The following CSMD2 variants were observed in gnomAD, a reference collection of about 807,000 sequenced individuals.
The protein encoded by CSMD2 is CUB and Sushi multiple domains 2, also known as CUB and sushi domain-containing protein 2.
CSMD2 carries 130 observed loss-of-function variants against 398.5 expected under a neutral mutation model. The ratio of observed to expected loss-of-function variants is 0.33; its 90% CI spans 0.28 to 0.38. The LOEUF (loss-of-function observed/expected upper bound fraction) is 0.38. Among genes scored for constraint, CSMD2 ranks in the 10% least tolerant of loss-of-function variants. The pLI is 1.00. For missense variants in CSMD2, 3,829 were observed against 4,764.9 expected (o/e 0.80, Z 5.78); for synonymous variants, 1,828 against 1,908.5 (o/e 0.96, Z 1.10).
At chr1:34,133,561 G>A (rs1263628017) in intron 1 of CSMD2, among the ~76,000 whole-genome samples, 1 of 151,928 alleles carries the variant, frequency 6.6e-6, no homozygotes, top group Non-Finnish European at 1.5e-5. Flanking sequence ...AACTCAGGAG[G>A]TGGAGGTTGC....
chr1:33,591,267 C>T (rs1162032639), intron 44 of CSMD2, among the ~76,000 whole-genome samples: 3 of 152,042 alleles, frequency 2.0e-5, no homozygotes, highest in Non-Finnish European at 2.9e-5. Context: ...GGATTATAGG[C>T]GTGAGCCACC....
intron 3 of CSMD2, among the ~76,000 whole-genome samples, chr1:33,964,743 G>T (rs1489796444): frequency 1.3e-5 from 2 of 152,178 alleles, no homozygotes; most frequent in East Asian, 3.9e-4. Flanking sequence ...CCTGGCCCTA[G>T]ATGGTTGAGG....
intron 1 of CSMD2, among the ~76,000 whole-genome samples, chr1:34,123,890 A>G (rs1031738616): frequency 1.8e-4 from 27 of 152,292 alleles, no homozygotes; most frequent in Admixed American, 1.4e-3. Flanking sequence ...TCATACAACT[A>G]GGAAGTAGTA....
At chr1:33,809,704 G>T (rs1281216030) in intron 10 of CSMD2, among the ~76,000 whole-genome samples, 1 of 150,644 alleles carries the variant, frequency 6.6e-6, no homozygotes, top group Non-Finnish European at 1.5e-5. Context: ...AAATAAAAAA[G>T]AAAAGGTATA....
chr1:34,136,587 C>T (rs2148513226), intron 1 of CSMD2, among the ~76,000 whole-genome samples: 1 of 152,278 alleles, frequency 6.6e-6, no homozygotes, highest in East Asian at 1.9e-4. Flanking sequence ...AGAGAAACTT[C>T]CTTGGGATAG....
rs538453502 is a variant in CSMD2 at position 33,685,522 on chromosome 1, A to T, written c.4052+7408T>A. ...CTTTAAAGTGTTCCAACAGCTCCTT[A>T]TTATACTGAGAAATCCATTCAGAGT... On this transcript the variant is annotated intron_variant, in intron 25 of 70. Transcript: ENST00000373381. 3.9e-5 allele frequency among the ~76,000 whole-genome samples: 6 copies of T among 152,304 alleles called. No homozygotes were observed. The South Asian group carries it at 1.2e-3, about 32-fold the overall frequency.
At chr1:33,753,829 T>A (rs78654538) in intron 13 of CSMD2, among the ~76,000 whole-genome samples, 2,817 of 152,362 alleles carry the variant, frequency 0.018, 103 homozygotes, top group Admixed American at 0.074. Context: ...TAAGATTTAA[T>A]CTCTGCCTTG....
At chr1:33,776,053 G>C (rs927719599) in intron 12 of CSMD2, among the ~76,000 whole-genome samples, 1 of 152,184 alleles carries the variant, frequency 6.6e-6, no homozygotes, top group Non-Finnish European at 1.5e-5. Flanking sequence ...GAGAAGAGAA[G>C]GTGATATCAC....
intron 6 of CSMD2, among the ~76,000 whole-genome samples, chr1:33,826,312 C>T (rs183492053): frequency 0.02 from 3,083 of 152,244 alleles, 113 homozygotes; most frequent in African/African-American, 0.071. Context: ...CATTCCCCCA[C>T]TCCTTGACTT....
intron 3 of CSMD2, among the ~76,000 whole-genome samples, chr1:34,005,851 A>T (rs533153605): frequency 2.0e-5 from 3 of 152,318 alleles, no homozygotes; most frequent in South Asian, 2.1e-4. Flanking sequence ...TCAATCATGC[A>T]CACTGTTATG....
intron 2 of CSMD2, among the ~76,000 whole-genome samples, chr1:34,088,507 G>C (rs565608863): frequency 6.6e-6 from 1 of 152,274 alleles, no homozygotes; most frequent in African/African-American, 2.4e-5. Flanking sequence ...TTAAGAGGGT[G>C]AGAACTCCCC....
intron 2 of CSMD2, among the ~76,000 whole-genome samples, chr1:34,075,465 C>T (rs1415236086): frequency 6.6e-6 from 1 of 152,250 alleles, no homozygotes; most frequent in East Asian, 1.9e-4. Flanking sequence ...AAACAGGTGT[C>T]TGACGCCAGT....
At chr1:34,089,851 C>CT (rs1215481218) in intron 1 of CSMD2, among the ~76,000 whole-genome samples, 1 of 152,190 alleles carries the variant, frequency 6.6e-6, no homozygotes, top group African/African-American at 2.4e-5. Flanking sequence ...GCTCAAGACT[C>CT]TATCGTTAAG....
chr1:33,786,621 A>C (rs935562646), intron 12 of CSMD2, among the ~76,000 whole-genome samples: 2 of 152,202 alleles, frequency 1.3e-5, no homozygotes, highest in African/African-American at 4.8e-5. Flanking sequence ...AGGACCCTTG[A>C]GACCTAGGTT....
At chr1:33,655,878 C>T (rs1173539750) in intron 27 of CSMD2, among the ~76,000 whole-genome samples, 1 of 152,196 alleles carries the variant, frequency 6.6e-6, no homozygotes, top group Non-Finnish European at 1.5e-5. Flanking sequence ...TTAACCTCTC[C>T]ACCCTACCCA....
intron 5 of CSMD2, chr1:33,864,008 C>A: frequency 1.7e-6 from 1 of 590,660 alleles, no homozygotes; most frequent in South Asian, 2.2e-5. Context: ...TGGATGATGT[C>A]ACAGTTTCCC....
intron 2 of CSMD2, among the ~76,000 whole-genome samples, chr1:34,068,101 T>C (rs1865892): frequency 0.32 from 49,263 of 152,120 alleles, 8,897 homozygotes; most frequent in African/African-American, 0.48. Context: ...GAAGTTTGTT[T>C]CCCTGGAATG....
At chr1:33,973,023 C>T (rs907555288) in intron 3 of CSMD2, among the ~76,000 whole-genome samples, 2 of 152,178 alleles carry the variant, frequency 1.3e-5, no homozygotes, top group Non-Finnish European at 1.5e-5. Context: ...TCCAAGGTTG[C>T]CCAGTTGCAA....
intron 15 of CSMD2, among the ~76,000 whole-genome samples, chr1:33,732,724 G>A (rs574960205): frequency 1.3e-5 from 2 of 152,288 alleles, no homozygotes; most frequent in African/African-American, 4.8e-5. Flanking sequence ...TGTCCCCTGT[G>A]AGGGATGAGC....
Sources: gnomAD v4.1 joint callset for allele counts (sites outside exome capture counted in the v4.1 genomes callset) on GRCh38, gnomAD v4.1.1 for gene constraint, MANE v1.5 for transcripts, NCBI Gene and HGNC (gene_info 2026-07-23, HGNC 2026-07-21) for gene names.